ADORA2B: variants seen among roughly 807,000 people sequenced by gnomAD.
ADORA2B encodes adenosine A2b receptor.
ADORA2B carries 18 observed loss-of-function variants against 20.8 expected under a neutral mutation model. The ratio of observed to expected loss-of-function variants is 0.87; its 90% CI spans 0.60 to 1.29. ADORA2B has a LOEUF of 1.29. ADORA2B is among the 50% of genes most tolerant of loss of function. ADORA2B has a pLI of 0.00. For missense variants in ADORA2B, 441 were observed against 422.7 expected, an observed-to-expected ratio of 1.04 and a Z score of -0.38; for synonymous variants, 179 against 178.3, an observed-to-expected ratio of 1.00 and a Z score of -0.03.
the ADORA2B span, among the ~76,000 whole-genome samples, chr17:15,881,166 A>G: frequency 5.3e-5 from 8 of 152,102 alleles, no homozygotes; most frequent in Admixed American, 5.2e-4. Context: ...CAGTGGCACA[A>G]TCTTGGCTCA....
chr17:15,865,652 C>A, the ADORA2B span, among the ~76,000 whole-genome samples: 1 of 152,038 alleles, frequency 6.6e-6, no homozygotes, highest in African/African-American at 2.4e-5. Flanking sequence ...CTCCCACAGA[C>A]CTTTCCTACA....
the ADORA2B span, among the ~76,000 whole-genome samples, chr17:15,909,411 C>G: frequency 5.3e-5 from 8 of 152,274 alleles, no homozygotes; most frequent in Admixed American, 5.2e-4. Flanking sequence ...CTCTCATAGT[C>G]CTTTATTTGA....
the ADORA2B span, among the ~76,000 whole-genome samples, chr17:15,888,842 ATATATATATTTTTTTTTTTT>A: frequency 1.2e-4 from 2 of 17,150 alleles, no homozygotes; most frequent in African/African-American, 9.4e-4. Flanking sequence ...ATATATATAT[ATATATATATTTTTTTTTTTT>A]TTTTTTTTTT....
chr17:15,867,118 G>A, the ADORA2B span, among the ~76,000 whole-genome samples: 14 of 152,196 alleles, frequency 9.2e-5, no homozygotes, highest in Middle Eastern at 3.2e-3. Context: ...GTGCAGTGGC[G>A]TGATCTCGGC....
the ADORA2B span, among the ~76,000 whole-genome samples, chr17:15,898,396 C>T: frequency 2.6e-5 from 4 of 151,388 alleles, no homozygotes; most frequent in African/African-American, 7.3e-5. Context: ...CGGTTTCAAG[C>T]GATTCTCCTG....
At chr17:15,920,267 C>G in the ADORA2B span, among the ~76,000 whole-genome samples, 1 of 152,144 alleles carries the variant, frequency 6.6e-6, no homozygotes, top group South Asian at 2.1e-4. Flanking sequence ...TTAATGGGTG[C>G]AATGTACACT....
At chr17:15,919,094 C>T in the ADORA2B span, among the ~76,000 whole-genome samples, 1 of 152,182 alleles carries the variant, frequency 6.6e-6, no homozygotes, top group Non-Finnish European at 1.5e-5. Context: ...GCTGGCAGCC[C>T]TAAGCAGATA....
At chr17:15,915,900 A>G in the ADORA2B span, among the ~76,000 whole-genome samples, 5 of 152,300 alleles carry the variant, frequency 3.3e-5, no homozygotes, top group Non-Finnish European at 5.9e-5. Flanking sequence ...ACAATGTCCA[A>G]CCAGCTATGT....
chr17:15,853,739 A>G, the ADORA2B span, among the ~76,000 whole-genome samples: 59 of 152,364 alleles, frequency 3.9e-4, 1 homozygote, highest in East Asian at 0.011. Flanking sequence ...AAATAACACC[A>G]ATCTTATATA....
At chr17:15,972,662 G>C (rs966101957) in intron 1 of ADORA2B, among the ~76,000 whole-genome samples, 1 of 152,186 alleles carries the variant, frequency 6.6e-6, no homozygotes, top group African/African-American at 2.4e-5. Context: ...GATACATGTT[G>C]TATCTCTCAA....
chr17:15,863,481 G>A, the ADORA2B span, among the ~76,000 whole-genome samples: 1 of 151,898 alleles, frequency 6.6e-6, no homozygotes, highest in African/African-American at 2.4e-5. Context: ...GAATAGCTGG[G>A]ACTACAGGTG....
chr17:15,917,648 C>T, the ADORA2B span, among the ~76,000 whole-genome samples: 1 of 152,252 alleles, frequency 6.6e-6, no homozygotes, highest in African/African-American at 2.4e-5. Flanking sequence ...GGCCGGACTC[C>T]AGCGGCAGGG....
the ADORA2B span, among the ~76,000 whole-genome samples, chr17:15,904,253 T>TA: frequency 6.6e-6 from 1 of 152,280 alleles, no homozygotes; most frequent in Non-Finnish European, 1.5e-5. Flanking sequence ...GTGTGGGTAT[T>TA]ACAGGCATGA....
At position 15,945,207 on chromosome 17, in the gene ADORA2B, G is replaced by C. The variant is rs1281580191; in HGVS notation, c.-42G>C. ...CTCACGCGGCTGCCCCTCGCCCGGC[G>C]CGCCTTCGGTAGGGGGCGCCCGGGG... On this transcript the variant is annotated 5_prime_UTR_variant, in exon 1 of 2. Coordinates refer to ENST00000304222, the MANE Select transcript of ADORA2B (RefSeq NM_000676.4). The C allele has an allele frequency of 7.3e-7, 1 of 1,372,788 alleles. No individual in the cohort carries two copies. The highest frequency in any genetic ancestry group is 1.7e-5 in the South Asian group (1 of 59,110). 85.0% of individuals were successfully genotyped at this position (1,372,788 alleles called of 1,614,324 possible). A position where few individuals can be genotyped will look rare whatever the true frequency, so the allele number is the denominator to read the frequency against.
At chr17:15,875,833 G>A in the ADORA2B span, among the ~76,000 whole-genome samples, 1 of 152,050 alleles carries the variant, frequency 6.6e-6, no homozygotes, top group Non-Finnish European at 1.5e-5. Context: ...CACCCGCCTC[G>A]GCCTCCCAAA....
At chr17:15,895,230 C>T in the ADORA2B span, among the ~76,000 whole-genome samples, 3 of 152,142 alleles carry the variant, frequency 2.0e-5, no homozygotes, top group African/African-American at 2.4e-5. Context: ...AACACCTTCA[C>T]GGAAACATCT....
chr17:15,873,326 A>G, the ADORA2B span, among the ~76,000 whole-genome samples: 2 of 152,216 alleles, frequency 1.3e-5, no homozygotes. Context: ...TCTAGACTTC[A>G]GCCTAGGCGA....
At chr17:15,923,650 C>T in the ADORA2B span, among the ~76,000 whole-genome samples, 2 of 152,030 alleles carry the variant, frequency 1.3e-5, no homozygotes, top group South Asian at 2.1e-4. Flanking sequence ...TCGTGATCCA[C>T]GCGCTTCGGC....
the ADORA2B span, among the ~76,000 whole-genome samples, chr17:15,878,055 C>CTG: frequency 6.6e-6 from 1 of 152,056 alleles, no homozygotes; most frequent in Admixed American, 6.5e-5. Context: ...TGGAATGAGA[C>CTG]TGTGAGTGCA....
Sources: gnomAD v4.1 joint callset for allele counts (sites outside exome capture counted in the v4.1 genomes callset) on GRCh38, gnomAD v4.1.1 for gene constraint, MANE v1.5 for transcripts, NCBI Gene and HGNC (gene_info 2026-07-23, HGNC 2026-07-21) for gene names.